NECTIN2: variants seen among roughly 807,000 people sequenced by gnomAD.
NECTIN2 encodes the protein nectin-2.
A neutral mutation model predicts 56.9 loss-of-function variants in NECTIN2; 23 were observed. The ratio of observed to expected loss-of-function variants is 0.40; its 90% CI spans 0.29 to 0.57. NECTIN2 has a LOEUF of 0.57. Among genes scored for constraint, NECTIN2 ranks in the 20% least tolerant of loss-of-function variants. The pLI is 0.38. For synonymous variants in NECTIN2, 302 were observed against 313.8 expected (o/e 0.96, Z 0.40); for missense variants, 587 against 718.3 (o/e 0.82, Z 2.09).
chr19:44,882,426 A>T, intron 6 of NECTIN2, 62 bp downstream of exon 6: 7 of 1,261,224 alleles, frequency 5.6e-6, no homozygotes, highest in Non-Finnish European at 7.1e-6. Flanking sequence ...AGTATGGGGT[A>T]GGGGTGAGGG....
chr19:44,882,282 A>G lies in NECTIN2; in HGVS notation c.1114A>G (p.Thr372Ala). 6.4e-7 allele frequency: 1 copy of G among 1,567,376 alleles called. No homozygotes were observed. Among genetic ancestry groups the G allele is most frequent in the Non-Finnish European group, 8.6e-7 (1 of 1,156,832 alleles). Residue 372 changes from threonine (T) to alanine (A), a missense_variant, in exon 6 of 9, where the codon ACT becomes GCT. By Grantham distance (58) the Thr-to-Ala change is moderately conservative. Coordinates refer to ENST00000252483, the MANE Select transcript of NECTIN2 (RefSeq NM_001042724.2). Reference sequence around the variant, plus strand: ...GGGCATCATCGCCGCCATCATTGCTACTGCTGTGGCTGCCACGGGCATCCT... The same window carrying G: ...GGGCATCATCGCCGCCATCATTGCTGCTGCTGTGGCTGCCACGGGCATCCT... ...IGGIIAAIIA[T>A]AVAATGILIC... is the part of the protein sequence containing the mutation.
In NECTIN2 at chr19:44,874,136, TC is replaced by T; in HGVS notation, c.893+104del. Reference sequence around the variant, plus strand: ...GGGGCTGGGGGCCTGGACTCCTGGATCTGAGGGAGGAGGGGCTGGGCCTAAA... The same window carrying T: ...GGGGCTGGGGGCCTGGACTCCTGGATTGAGGGAGGAGGGGCTGGGCCTAAA... On this transcript the variant is annotated intron_variant, in intron 4 of 8. Coordinates refer to ENST00000252483, the MANE Select transcript of NECTIN2 (RefSeq NM_001042724.2). This position sits in a 1 kb window ranked among gnomAD's most constrained non-coding sequence, Gnocchi z 6.3. 1 of 1,223,026 alleles carries T rather than the reference TC, an allele frequency of 8.2e-7. No individual in the cohort carries two copies. Among genetic ancestry groups the T allele is most frequent in the East Asian group, 2.4e-5 (1 of 42,114 alleles). The allele number at this position is 1,223,026 out of a possible 1,614,324, so 75.8% of individuals were successfully genotyped here.
intron 1 of NECTIN2, among the ~76,000 whole-genome samples, chr19:44,860,250 C>T (rs184547650): frequency 8.9e-4 from 136 of 152,260 alleles, no homozygotes; most frequent in African/African-American, 3.2e-3. Flanking sequence ...CCAGGCTGGG[C>T]GCAGTGGCTC....
Position 44,882,375 on chromosome 19 carries a change from G to C in NECTIN2, c.1196+11G>C. Reference sequence around the variant, plus strand: ...AGAGGAGGACGAAGAGTAAGTGATGGGCCCTGAGACGGGGATGGGAGAGGG... The same window carrying C: ...AGAGGAGGACGAAGAGTAAGTGATGCGCCCTGAGACGGGGATGGGAGAGGG... On this transcript the variant is annotated intron_variant, in intron 6 of 8. Transcript: ENST00000252483. 1 of 1,397,930 alleles carries C rather than the reference G, an allele frequency of 7.2e-7. No individual in the cohort carries two copies. Among genetic ancestry groups the C allele is most frequent in the South Asian group, 1.6e-5 (1 of 63,010 alleles). 86.6% of individuals were successfully genotyped at this position (1,397,930 alleles called of 1,614,324 possible). A position where few individuals can be genotyped will look rare whatever the true frequency, so the allele number is the denominator to read the frequency against.
intron 3 of NECTIN2, among the ~76,000 whole-genome samples, chr19:44,872,810 A>C (rs1005781224): frequency 1.4e-5 from 2 of 143,726 alleles, no homozygotes; most frequent in African/African-American, 5.0e-5. Context: ...ATTATTTATT[A>C]TTATATTTTT....
chr19:44,879,176 T>C (rs113434333), intron 5 of NECTIN2, among the ~76,000 whole-genome samples: 2,455 of 151,970 alleles, frequency 0.016, 63 homozygotes, highest in African/African-American at 0.053. Flanking sequence ...GGTCACTGGA[T>C]TGGGGACTCA....
intron 7 of NECTIN2, 48 bp downstream of exon 7, chr19:44,886,048 C>G: frequency 6.4e-7 from 1 of 1,572,962 alleles, no homozygotes; most frequent in Non-Finnish European, 8.8e-7. Context: ...CCACACCCAC[C>G]CCAGGGCTGG....
chr19:44,882,971 C>T (rs946291662), intron 6 of NECTIN2, among the ~76,000 whole-genome samples: 3 of 151,864 alleles, frequency 2.0e-5, no homozygotes, highest in African/African-American at 7.3e-5. Flanking sequence ...TTAGTAGAGA[C>T]AGGGTTTCAC....
intron 5 of NECTIN2, among the ~76,000 whole-genome samples, chr19:44,879,723 T>C (rs1279662706): frequency 6.6e-6 from 1 of 152,138 alleles, no homozygotes; most frequent in Non-Finnish European, 1.5e-5. Context: ...CAAGCCTCCA[T>C]GCCTCCTCTG....
In NECTIN2 at chr19:44,859,538, CAT is replaced by C. The variant is rs1402834476; in HGVS notation, c.89-5732_89-5731del. ...CTTGTTTATATTAAAAGTGAGAAAA[CAT>C]GGGCCACACGCCGTGGCTCACGCCT... is the stretch of plus-strand genomic sequence containing the variant. On this transcript the variant is annotated intron_variant, in intron 1 of 8. Coordinates refer to ENST00000252483, the MANE Select transcript of NECTIN2 (RefSeq NM_001042724.2). Among the ~76,000 whole-genome samples, 3 of 152,144 alleles carry C rather than the reference CAT, an allele frequency of 2.0e-5. No homozygotes were observed. The East Asian group carries it at 5.8e-4, about 29-fold the overall frequency.
chr19:44,859,993 G>A lies in NECTIN2; in HGVS notation c.89-5278G>A, dbSNP rs188841870. 1.2e-3 allele frequency among the ~76,000 whole-genome samples: 179 copies of A among 152,310 alleles called. 3 individuals are homozygous for A. The highest frequency in any genetic ancestry group is 0.012 in the Admixed American group (179 of 15,292). Reference sequence around the variant, plus strand: ...CGGCTGAATGGATAAACAAAATGTGGTCCGTCCATGTAGTGGAATATTATT... The same window carrying A: ...CGGCTGAATGGATAAACAAAATGTGATCCGTCCATGTAGTGGAATATTATT... On this transcript the variant is annotated intron_variant, in intron 1 of 8. Coordinates refer to ENST00000252483, the MANE Select transcript of NECTIN2 (RefSeq NM_001042724.2).
intron 1 of NECTIN2, among the ~76,000 whole-genome samples, chr19:44,850,323 G>A (rs1325566503): frequency 6.6e-6 from 1 of 152,070 alleles, no homozygotes; most frequent in East Asian, 1.9e-4. Flanking sequence ...GATAAGAGAC[G>A]CTAAGAGACA....
intron 1 of NECTIN2, among the ~76,000 whole-genome samples, chr19:44,864,357 T>C (rs1011481638): frequency 5.3e-5 from 8 of 152,140 alleles, no homozygotes; most frequent in Non-Finnish European, 1.0e-4. Flanking sequence ...TTTATTTTTT[T>C]ATTTTCTTTT....
chr19:44,885,509 A>G (rs1353707874), intron 6 of NECTIN2, among the ~76,000 whole-genome samples: 6 of 138,046 alleles, frequency 4.3e-5, no homozygotes, highest in Non-Finnish European at 9.5e-5. Flanking sequence ...ATGGCATTTC[A>G]CCATGTTGGC....
Position 44,874,520 on chromosome 19 carries a change from C to T in NECTIN2, c.1042+42C>T. 6.2e-7 allele frequency: 1 copy of T among 1,606,242 alleles called. No homozygotes were observed. The highest frequency in any genetic ancestry group is 8.5e-7 in the Non-Finnish European group (1 of 1,179,126). Reference sequence around the variant, plus strand: ...GGCCGTGTGTGGAGACCTGGGTCCGCTCCCCTGGAGTTCTGCCCTTCAGGA... The same window carrying T: ...GGCCGTGTGTGGAGACCTGGGTCCGTTCCCCTGGAGTTCTGCCCTTCAGGA... On this transcript the variant is annotated intron_variant, in intron 5 of 8. Transcript: ENST00000252483. This position sits in a 1 kb window ranked among gnomAD's most constrained non-coding sequence, Gnocchi z 6.3.
chr19:44,877,818 C>T (rs750042045), intron 5 of NECTIN2, among the ~76,000 whole-genome samples: 11 of 152,342 alleles, frequency 7.2e-5, no homozygotes, highest in South Asian at 6.2e-4. Context: ...AGCTTCCACT[C>T]GGCTACGGCG....
chr19:44,865,805 A>G lies in NECTIN2; in HGVS notation c.478+145A>G. ...ATCCATCAGCAAATGTTCATTAAGC[A>G]CCTACCGCGTGCCAGATGCTTTTCT... On this transcript the variant is annotated intron_variant, in intron 2 of 8. Coordinates refer to ENST00000252483, the MANE Select transcript of NECTIN2 (RefSeq NM_001042724.2). The surrounding 1 kb of genome is among the most constrained non-coding windows in gnomAD (Gnocchi z 5.2). The G allele has an allele frequency of 1.0e-6, 1 of 988,020 alleles. No individual in the cohort carries two copies. The highest frequency in any genetic ancestry group is 1.4e-6 in the Non-Finnish European group (1 of 698,092). The allele number at this position is 988,020 out of a possible 1,614,324, so 61.2% of individuals were successfully genotyped here. A position where few individuals can be genotyped will look rare whatever the true frequency, so the allele number is the denominator to read the frequency against.
intron 1 of NECTIN2, among the ~76,000 whole-genome samples, chr19:44,858,377 A>G (rs1308923427): frequency 3.3e-5 from 5 of 151,698 alleles, no homozygotes; most frequent in Non-Finnish European, 5.9e-5. Context: ...GCAGGGCCTC[A>G]TTCTATCGCC....
At chr19:44,852,979 G>A (rs1968918700) in intron 1 of NECTIN2, among the ~76,000 whole-genome samples, 1 of 151,902 alleles carries the variant, frequency 6.6e-6, no homozygotes, top group Non-Finnish European at 1.5e-5. Flanking sequence ...AAGTATGGTG[G>A]TGCCCGCCTG....
Sources: allele counts gnomAD v4.1 joint callset (sites outside exome capture counted in the v4.1 genomes callset), GRCh38; gene constraint gnomAD v4.1.1; non-coding constraint Gnocchi (gnomAD v3.1); transcripts MANE v1.5; gene names NCBI Gene and HGNC (gene_info 2026-07-23, HGNC 2026-07-21).